Variants in EMC3 observed in about 807,000 individuals in gnomAD.
EMC3 encodes the protein ER membrane protein complex subunit 3.
In EMC3, 13 loss-of-function variants were observed where a neutral mutation model predicts 36.6. That is an observed-to-expected ratio of 0.35 (90% CI 0.23 to 0.56). The LOEUF (loss-of-function observed/expected upper bound fraction) is 0.56. Ranked by LOEUF, EMC3 falls within the 20% of genes least tolerant of loss-of-function variation. The pLI, the probability that EMC3 is intolerant of heterozygous loss-of-function variation, is 0.84. For synonymous variants in EMC3, 120 were observed against 111.9 expected (o/e 1.07, Z -0.46); for missense variants, 220 against 324.5 (o/e 0.68, Z 2.47).
intron 1 of EMC3, 34 bp downstream of exon 1, chr3:9,986,473 G>T: frequency 6.2e-7 from 1 of 1,609,078 alleles, no homozygotes; most frequent in Admixed American, 1.7e-5. Flanking sequence ...GGTCACGGCG[G>T]TGTGAGGTAG....
At chr3:10,001,287 C>T (rs1384079612) in intron 1 of EMC3, among the ~76,000 whole-genome samples, 1 of 151,658 alleles carries the variant, frequency 6.6e-6, no homozygotes, top group East Asian at 1.9e-4. Flanking sequence ...GTCGGCCGGG[C>T]ATGGTGGCTC....
Position 9,964,174 on chromosome 3 carries a change from C to A in EMC3, c.681G>T (p.Leu227=). The part of the protein sequence containing the change: ...AFKTEWEALE[L]TDHQWALDDV... Reference sequence around the variant, plus strand: ...CATCTAGTGCCCACTGGTGATCCGTCAGCTCCAAAGCTTCCCACTCTGTCT... The same window carrying A: ...CATCTAGTGCCCACTGGTGATCCGTAAGCTCCAAAGCTTCCCACTCTGTCT... The change falls in exon 8 of 8, where the codon CTG becomes CTT. Residue 227 remains leucine (L), a synonymous_variant. Transcript: ENST00000245046. 1 of 1,614,184 alleles carries A rather than the reference C, an allele frequency of 6.2e-7. No homozygotes were observed. The highest frequency in any genetic ancestry group is 8.5e-7 in the Non-Finnish European group (1 of 1,180,036).
At chr3:10,000,643 C>T in intron 1 of EMC3, 1 of 473,974 alleles carries the variant, frequency 2.1e-6, no homozygotes, top group East Asian at 5.6e-5. Flanking sequence ...CCAATTATTA[C>T]TCATTAGTAG....
At chr3:9,965,228 G>A (rs986858730) in intron 7 of EMC3, among the ~76,000 whole-genome samples, 16 of 151,922 alleles carry the variant, frequency 1.1e-4, no homozygotes, top group South Asian at 4.2e-4. Flanking sequence ...GCAACACAGC[G>A]AGATCCCATC....
chr3:9,970,698 T>C (rs748369440), intron 5 of EMC3, 37 bp from the exon 6 acceptor site: 2 of 1,606,296 alleles, frequency 1.2e-6, no homozygotes, highest in Admixed American at 1.7e-5. Flanking sequence ...GGTTAGTTAT[T>C]ATATCAGAGA....
chr3:9,986,654 C>G lies in EMC3; in HGVS notation c.8G>C (p.Gly3Ala), dbSNP rs1478976964. The G allele has an allele frequency of 5.0e-6, 8 of 1,613,876 alleles. No individual in the cohort carries two copies. In the Admixed American group the frequency reaches 1.3e-4, roughly 27 times the overall value. The change falls in exon 1 of 8, where the codon GGG becomes GCG. Residue 3 changes from glycine (G) to alanine (A), a missense_variant. Physicochemically the swap from Gly to Ala is moderately conservative, Grantham distance 60 (BLOSUM62 0). Around this residue, in one of 3 missense-constraint regions of EMC3, gnomAD observed 127 missense variants for 174.6 expected, o/e 0.73. Transcript: ENST00000245046. Reference sequence around the variant, plus strand: ...GTTGGAGTCGAGCAACAGTTCTGGCCCTGCCATCTTCACTGAAAGCTGGTT... The same window carrying G: ...GTTGGAGTCGAGCAACAGTTCTGGCGCTGCCATCTTCACTGAAAGCTGGTT... MA[G>A]PELLLDSNIR...
intron 5 of EMC3, among the ~76,000 whole-genome samples, chr3:9,971,417 A>T (rs1290693868): frequency 6.6e-6 from 1 of 152,126 alleles, no homozygotes; most frequent in Non-Finnish European, 1.5e-5. Flanking sequence ...ATGGGAAGTG[A>T]TAGATAAATG....
intron 7 of EMC3, among the ~76,000 whole-genome samples, chr3:9,965,320 C>T (rs1291526704): frequency 6.6e-6 from 1 of 151,794 alleles, no homozygotes; most frequent in Non-Finnish European, 1.5e-5. Context: ...AGTACTGAGG[C>T]TGAGGTGGGA....
upstream of EMC3, chr3:9,987,783 A>G (rs376729777): frequency 2.0e-6 from 1 of 490,890 alleles, no homozygotes. Context: ...ATTTTTCAAA[A>G]TGTCCAACGT....
intron 1 of EMC3, chr3:10,003,326 A>G (rs1217959670): frequency 2.4e-6 from 1 of 414,070 alleles, no homozygotes; most frequent in Non-Finnish European, 4.8e-6. Flanking sequence ...ATGCACTTCC[A>G]TTGTATTAAA....
intron 1 of EMC3, among the ~76,000 whole-genome samples, chr3:10,006,039 G>A (rs2124942198): frequency 6.6e-6 from 1 of 152,362 alleles, no homozygotes; most frequent in South Asian, 2.1e-4. Flanking sequence ...ACACCTGCCA[G>A]CCTACAGAGG....
chr3:9,988,034 C>A (rs965911497), upstream of EMC3: 10 of 735,586 alleles, frequency 1.4e-5, no homozygotes, highest in Admixed American at 1.7e-4. Context: ...TAATTGCCAC[C>A]CTTTTCCTCA....
chr3:9,987,742 C>T, upstream of EMC3: 2 of 435,504 alleles, frequency 4.6e-6, no homozygotes, highest in Middle Eastern at 6.7e-4. Flanking sequence ...TGACATTCTA[C>T]GACATTGCAT....
chr3:9,975,916 C>T, intron 3 of EMC3, among the ~76,000 whole-genome samples: 1 of 147,628 alleles, frequency 6.8e-6, no homozygotes, highest in Non-Finnish European at 1.5e-5. Context: ...TCTTTTGTTT[C>T]TTGTAAATTT....
At chr3:9,988,539 T>C, upstream of EMC3, 2 of 901,710 alleles carry the variant, frequency 2.2e-6, no homozygotes, top group Non-Finnish European at 1.9e-6. Flanking sequence ...GACAGATGTA[T>C]AACTGAGGTA....
intron 1 of EMC3, among the ~76,000 whole-genome samples, chr3:9,979,037 T>A (rs1190728544): frequency 1.3e-5 from 2 of 152,172 alleles, no homozygotes; most frequent in Non-Finnish European, 2.9e-5. Context: ...CATCTTCAAG[T>A]CTCAGCATCT....
At chr3:10,008,466 C>T (rs1322780727) in intron 1 of EMC3, 1 of 1,367,660 alleles carries the variant, frequency 7.3e-7, no homozygotes, top group East Asian at 4.5e-5. Context: ...CCAGCAGCCT[C>T]CATATGGCAG....
At chr3:10,001,291 G>T (rs2086195998) in intron 1 of EMC3, among the ~76,000 whole-genome samples, 1 of 151,878 alleles carries the variant, frequency 6.6e-6, no homozygotes, top group Non-Finnish European at 1.5e-5. Context: ...GCCGGGCATG[G>T]TGGCTCACGC....
At chr3:9,984,379 C>A (rs2085946930) in intron 1 of EMC3, among the ~76,000 whole-genome samples, 1 of 151,988 alleles carries the variant, frequency 6.6e-6, no homozygotes, top group Admixed American at 6.6e-5. Flanking sequence ...CACACCCGGC[C>A]AGTAAGTTGA....
Sources: allele counts gnomAD v4.1 joint callset (sites outside exome capture counted in the v4.1 genomes callset), GRCh38; gene constraint gnomAD v4.1.1; regional missense constraint gnomAD v4.1.1; transcripts MANE v1.5; gene names NCBI Gene and HGNC (gene_info 2026-07-23, HGNC 2026-07-21).